Variants in RB1 observed in about 807,000 individuals in gnomAD.
The protein encoded by RB1 is retinoblastoma-associated protein.
RB1 carries 18 observed loss-of-function variants against 135.4 expected under a neutral mutation model. The observed-to-expected ratio is 0.13, with a 90% CI of 0.09 to 0.20. The LOEUF (loss-of-function observed/expected upper bound fraction) is 0.20. Among genes scored for constraint, RB1 ranks in the 10% least tolerant of loss-of-function variants. The pLI is 1.00. For missense variants in RB1, 868 were observed against 1,110.0 expected, an observed-to-expected ratio of 0.78 and a Z score of 3.10; for synonymous variants, 365 against 373.2, an observed-to-expected ratio of 0.98 and a Z score of 0.25.
At chr13:48,459,379 G>A (rs752895731) in intron 19 of RB1, among the ~76,000 whole-genome samples, 4 of 152,110 alleles carry the variant, frequency 2.6e-5, no homozygotes, top group Admixed American at 6.5e-5. Context: ...ACCTGGTTCT[G>A]GGAGCTTCTG....
At chr13:48,348,055 TA>T (rs1952514041) in intron 5 of RB1, among the ~76,000 whole-genome samples, 192 bp downstream of exon 5, 1 of 152,000 alleles carries the variant, frequency 6.6e-6, no homozygotes, top group South Asian at 2.1e-4. Flanking sequence ...ACATGCCTTG[TA>T]CTACAAAGAA....
At chr13:48,372,854 GC>G (rs1407437466) in intron 11 of RB1, among the ~76,000 whole-genome samples, 1 of 151,932 alleles carries the variant, frequency 6.6e-6, no homozygotes, top group African/African-American at 2.4e-5. Context: ...ACCATATACT[GC>G]CCCCTTCATA....
chr13:48,434,438 G>T (rs773936583), intron 17 of RB1, among the ~76,000 whole-genome samples: 46 of 152,034 alleles, frequency 3.0e-4, no homozygotes, highest in African/African-American at 1.1e-3. Flanking sequence ...TTTTCTTCAG[G>T]TGCTTTTATC....
In RB1 at chr13:48,406,098, C is replaced by CTGTG. The variant is rs149013062; in HGVS notation, c.1695+24667_1695+24670dup. ...TCAACTATTACCACAATAAATAACT[C>CTGTG]TGTGTGTGTGTGTGTATGTATGTAT... On this transcript the variant is annotated intron_variant, in intron 17 of 26. Transcript: ENST00000267163. Among the ~76,000 whole-genome samples the CTGTG allele has an allele frequency of 2.2e-3, 337 of 150,140 alleles. 1 individual carries two copies. Among genetic ancestry groups the CTGTG allele is most frequent in the African/African-American group, 5.7e-3 (235 of 41,062 alleles).
intron 2 of RB1, chr13:48,317,665 C>A: frequency 1.9e-6 from 1 of 527,990 alleles, no homozygotes; most frequent in Non-Finnish European, 2.9e-6. Flanking sequence ...GACACTGCCA[C>A]TGGTGCTCCT....
chr13:48,462,553 T>C (rs973970619), intron 20 of RB1, among the ~76,000 whole-genome samples: 2 of 152,238 alleles, frequency 1.3e-5, no homozygotes, highest in Admixed American at 1.3e-4. Flanking sequence ...GTGAGTTGTT[T>C]CACTTTCTTG....
At chr13:48,463,918 C>T (rs2138343005) in intron 21 of RB1, 83 bp downstream of exon 21, 1 of 836,984 alleles carries the variant, frequency 1.2e-6, no homozygotes, top group Non-Finnish European at 2.1e-6. Flanking sequence ...CTCATTTATT[C>T]ATTAATGAGA....
chr13:48,390,804 C>T (rs1948605353), intron 17 of RB1, among the ~76,000 whole-genome samples: 2 of 152,156 alleles, frequency 1.3e-5, no homozygotes, highest in South Asian at 4.1e-4. Flanking sequence ...TTAATATCAA[C>T]ATGGCATATT....
chr13:48,320,524 C>A, intron 2 of RB1: 1 of 560,898 alleles, frequency 1.8e-6, no homozygotes, highest in South Asian at 1.9e-5. Context: ...TATTTCTCTG[C>A]CAGCTTCATA....
chr13:48,450,548 T>A (rs1662688086), intron 17 of RB1, among the ~76,000 whole-genome samples: 1 of 152,236 alleles, frequency 6.6e-6, no homozygotes, highest in Non-Finnish European at 1.5e-5. Flanking sequence ...AATACCATGC[T>A]GTTTTGGTTA....
intron 20 of RB1, among the ~76,000 whole-genome samples, chr13:48,463,232 A>T (rs987089922): frequency 2.6e-5 from 4 of 152,228 alleles, no homozygotes; most frequent in African/African-American, 9.6e-5. Context: ...ACAAAAATTC[A>T]TCAACTGAGC....
chr13:48,421,830 G>T (rs186759519), intron 17 of RB1, among the ~76,000 whole-genome samples: 35 of 152,190 alleles, frequency 2.3e-4, no homozygotes, highest in African/African-American at 8.2e-4. Flanking sequence ...ACCATCTCAT[G>T]GCCGTTAGAA....
At chr13:48,458,819 T>C (rs1949378150) in intron 19 of RB1, among the ~76,000 whole-genome samples, 1 of 152,224 alleles carries the variant, frequency 6.6e-6, no homozygotes, top group African/African-American at 2.4e-5. Flanking sequence ...GCATTTTCAG[T>C]AGTATTTTTT....
intron 17 of RB1, among the ~76,000 whole-genome samples, chr13:48,423,100 A>G (rs1003387661): frequency 6.6e-6 from 1 of 152,168 alleles, no homozygotes; most frequent in Non-Finnish European, 1.5e-5. Context: ...ATTTTACTCC[A>G]TCCTGAGTGA....
intron 2 of RB1, among the ~76,000 whole-genome samples, chr13:48,311,659 C>T (rs528919252): frequency 1.3e-5 from 2 of 152,300 alleles, no homozygotes; most frequent in African/African-American, 4.8e-5. Context: ...AAGCCTCCAA[C>T]TATAATTAGA....
At chr13:48,360,353 G>A in intron 7 of RB1, 3 of 875,174 alleles carry the variant, frequency 3.4e-6, no homozygotes, top group South Asian at 2.4e-5. Context: ...AACAAATGGA[G>A]GTTTGGGAGA....
At chr13:48,405,687 A>C (rs570366066) in intron 17 of RB1, among the ~76,000 whole-genome samples, 1 of 152,226 alleles carries the variant, frequency 6.6e-6, no homozygotes, top group Non-Finnish European at 1.5e-5. Context: ...TCAATACCCA[A>C]TATAAAGCAT....
intron 2 of RB1, among the ~76,000 whole-genome samples, chr13:48,311,881 T>G (rs745567468): frequency 2.3e-4 from 35 of 152,144 alleles, no homozygotes; most frequent in Non-Finnish European, 4.4e-4. Flanking sequence ...AATTTTTGTA[T>G]TTTTAGTAGA....
chr13:48,474,003 T>C (rs565506774), intron 24 of RB1, among the ~76,000 whole-genome samples: 1 of 152,242 alleles, frequency 6.6e-6, no homozygotes, highest in Admixed American at 6.5e-5. Flanking sequence ...CTTACTATTA[T>C]CAGTTCATCA....
Sources: allele counts gnomAD v4.1 joint callset (sites outside exome capture counted in the v4.1 genomes callset), GRCh38; gene constraint gnomAD v4.1.1; transcripts MANE v1.5; gene names NCBI Gene and HGNC (gene_info 2026-07-23, HGNC 2026-07-21).